Variants in ITGA1 observed in about 807,000 individuals in gnomAD.
ITGA1 encodes the protein integrin alpha-1.
Under a neutral mutation model 145.9 loss-of-function variants are expected in ITGA1, and 85 were observed. The observed-to-expected ratio is 0.58, with a 90% CI of 0.49 to 0.70. The LOEUF is 0.70. Among genes scored for constraint, ITGA1 ranks in the 30% least tolerant of loss-of-function variants. The pLI, the probability that ITGA1 is intolerant of heterozygous loss-of-function variation, is 0.00. For missense variants in ITGA1, 1,351 were observed against 1,418.7 expected, an observed-to-expected ratio of 0.95 and a Z score of 0.77; for synonymous variants, 520 against 495.3, an observed-to-expected ratio of 1.05 and a Z score of -0.66.
At chr5:52,804,990 T>C (rs925542595) in intron 1 of ITGA1, among the ~76,000 whole-genome samples, 1 of 152,156 alleles carries the variant, frequency 6.6e-6, no homozygotes, top group African/African-American at 2.4e-5. Context: ...TTTTAGTGCC[T>C]TTTTTGAACC....
rs1038486008 is a variant in ITGA1 at position 52,958,548 on chromosome 5, T to G, written c.*6097T>G. On this transcript the variant is annotated 3_prime_UTR_variant, in exon 29 of 29. Transcript: ENST00000282588. ...ACAAGAGAACTCAACATTTACTGTT[T>G]TATTTCTGATATTGCCTGCCATTAC... 2.0e-5 allele frequency: 3 copies of G among 152,224 alleles called. No individual in the cohort carries two copies. The highest frequency in any genetic ancestry group is 7.2e-5 in the African/African-American group (3 of 41,462). The allele number at this position is 152,224 out of a possible 1,614,324, so 9.4% of individuals were successfully genotyped here.
At chr5:52,822,523 C>G (rs1203415982) in intron 1 of ITGA1, among the ~76,000 whole-genome samples, 1 of 152,196 alleles carries the variant, frequency 6.6e-6, no homozygotes, top group Non-Finnish European at 1.5e-5. Context: ...GAGCTGGAGG[C>G]TGAGTATCCG....
At chr5:52,834,546 A>AAGAGAGAG (rs1398415149) in intron 1 of ITGA1, among the ~76,000 whole-genome samples, 1 of 138,328 alleles carries the variant, frequency 7.2e-6, no homozygotes, top group Admixed American at 7.4e-5. Flanking sequence ...AAGAGAAAGA[A>AAGAGAGAG]AGAGAAAGAG....
intron 13 of ITGA1, among the ~76,000 whole-genome samples, chr5:52,909,603 A>G (rs1323497852): frequency 6.6e-6 from 1 of 152,110 alleles, no homozygotes; most frequent in East Asian, 1.9e-4. Flanking sequence ...GCTTTTCCAA[A>G]TATGTACATT....
intron 26 of ITGA1, among the ~76,000 whole-genome samples, chr5:52,943,686 C>T (rs1366365767): frequency 6.6e-6 from 1 of 152,126 alleles, no homozygotes; most frequent in Non-Finnish European, 1.5e-5. Context: ...CCGAACCAGC[C>T]CTGTGGAGGG....
At chr5:52,884,447 TAAA>T (rs72022536) in intron 7 of ITGA1, among the ~76,000 whole-genome samples, 2 of 136,732 alleles carry the variant, frequency 1.5e-5, no homozygotes, top group Non-Finnish European at 1.6e-5. Flanking sequence ...AACTCTGCCT[TAAA>T]AAAAAAAAAA....
At chr5:52,902,140 T>C (rs1256938487) in intron 11 of ITGA1, 1 of 152,150 alleles carries the variant, frequency 6.6e-6, no homozygotes, top group Non-Finnish European at 1.5e-5. Flanking sequence ...AAAAATCTTA[T>C]GAAGGAAGCA....
At chr5:52,824,062 G>A (rs1043222386) in intron 1 of ITGA1, among the ~76,000 whole-genome samples, 1 of 152,050 alleles carries the variant, frequency 6.6e-6, no homozygotes, top group East Asian at 1.9e-4. Context: ...AATGATCTGG[G>A]ACCTAATTTT....
chr5:52,857,058 G>A (rs1287098103), intron 2 of ITGA1, among the ~76,000 whole-genome samples: 1 of 152,120 alleles, frequency 6.6e-6, no homozygotes, highest in African/African-American at 2.4e-5. Flanking sequence ...ATCTGCAAAG[G>A]CCTTTTAAGG....
At chr5:52,883,397 C>T (rs1016355909) in intron 7 of ITGA1, among the ~76,000 whole-genome samples, 2 of 152,088 alleles carry the variant, frequency 1.3e-5, no homozygotes, top group African/African-American at 4.8e-5. Flanking sequence ...TGTTTTTTGC[C>T]TCTGTGTTTC....
chr5:52,943,744 G>A (rs1055992240), intron 26 of ITGA1, among the ~76,000 whole-genome samples: 1 of 152,194 alleles, frequency 6.6e-6, no homozygotes, highest in African/African-American at 2.4e-5. Flanking sequence ...ACGAATCCAT[G>A]TTTGTTACCC....
chr5:52,837,970 G>T (rs1244343319), intron 1 of ITGA1, among the ~76,000 whole-genome samples: 1 of 152,146 alleles, frequency 6.6e-6, no homozygotes, highest in Non-Finnish European at 1.5e-5. Flanking sequence ...AAGCTACTGA[G>T]ACTTTTCTTA....
chr5:52,847,729 A>T (rs1372755519), intron 1 of ITGA1, among the ~76,000 whole-genome samples: 1 of 151,726 alleles, frequency 6.6e-6, no homozygotes. Flanking sequence ...ATATTTGTAT[A>T]TTTTTAGTAG....
Position 52,954,710 on chromosome 5 carries a change from A to G in ITGA1, c.*2259A>G, listed in dbSNP as rs1249894561. 1 of 152,210 alleles carries G rather than the reference A, an allele frequency of 6.6e-6. No individual in the cohort carries two copies. Among genetic ancestry groups the G allele is most frequent in the East Asian group, 1.9e-4 (1 of 5,196 alleles). The allele number at this position is 152,210 out of a possible 1,614,324, so 9.4% of individuals were successfully genotyped here. A position where few individuals can be genotyped will look rare whatever the true frequency, so the allele number is the denominator to read the frequency against. ...TATAACACCAAAAAACAGAGTTTAC[A>G]GAAAATAAACACAAAAGCTATATCT... On this transcript the variant is annotated 3_prime_UTR_variant, in exon 29 of 29. Transcript: ENST00000282588.
intron 8 of ITGA1, among the ~76,000 whole-genome samples, chr5:52,890,893 C>T (rs1158469465): frequency 2.0e-5 from 3 of 152,174 alleles, no homozygotes; most frequent in African/African-American, 7.2e-5. Flanking sequence ...ACTACTCTTT[C>T]CAGCCTTTGA....
intron 6 of ITGA1, among the ~76,000 whole-genome samples, chr5:52,874,361 C>CCACT (rs1749832611): frequency 6.6e-6 from 1 of 151,852 alleles, no homozygotes; most frequent in Admixed American, 6.6e-5. Context: ...CCTCCCAACA[C>CCACT]CACTCCATTG....
Position 52,957,842 on chromosome 5 carries a change from G to A in ITGA1, c.*5391G>A, listed in dbSNP as rs1327271341. 1 of 152,148 alleles carries A rather than the reference G, an allele frequency of 6.6e-6. No individual in the cohort carries two copies. Among genetic ancestry groups the A allele is most frequent in the African/African-American group, 2.4e-5 (1 of 41,432 alleles). 9.4% of individuals were successfully genotyped at this position (152,148 alleles called of 1,614,324 possible). ...ATAACTATGTTTACATTTGGCTTTA[G>A]CATATTTCAGGTAATATCTTTATGA... On this transcript the variant is annotated 3_prime_UTR_variant, in exon 29 of 29. Transcript: ENST00000282588.
intron 1 of ITGA1, among the ~76,000 whole-genome samples, chr5:52,826,708 C>T (rs1748972734): frequency 6.6e-6 from 1 of 152,182 alleles, no homozygotes; most frequent in Non-Finnish European, 1.5e-5. Flanking sequence ...TACCTACACT[C>T]TATAAATGGA....
At chr5:52,893,958 C>A in intron 9 of ITGA1, 118 bp downstream of exon 9, 1 of 689,754 alleles carries the variant, frequency 1.4e-6, no homozygotes, top group Non-Finnish European at 2.4e-6. Context: ...TTACTGTGTA[C>A]AATATCTAGC....
Sources: allele counts gnomAD v4.1 joint callset (sites outside exome capture counted in the v4.1 genomes callset), GRCh38; gene constraint gnomAD v4.1.1; transcripts MANE v1.5; gene names NCBI Gene and HGNC (gene_info 2026-07-23, HGNC 2026-07-21).